GHITM: variants seen among roughly 807,000 people sequenced by gnomAD.
The protein encoded by GHITM is growth hormone inducible transmembrane protein.
GHITM carries 24 observed loss-of-function variants against 38.7 expected under a neutral mutation model. That is an observed-to-expected ratio of 0.62 (90% CI 0.45 to 0.87). The LOEUF (loss-of-function observed/expected upper bound fraction) is 0.87, where lower values mean the gene tolerates loss of function less well. GHITM is among the 40% of genes least tolerant of loss of function. The pLI, the probability that GHITM is intolerant of heterozygous loss-of-function variation, is 0.00. For synonymous variants in GHITM, 154 were observed against 147.8 expected, an observed-to-expected ratio of 1.04 and a Z score of -0.30; for missense variants, 420 against 429.8, an observed-to-expected ratio of 0.98 and a Z score of 0.20.
In GHITM at chr10:84,139,591, G is replaced by T. The variant is rs1136944; in HGVS notation, c.-42G>T. Reference sequence around the variant, plus strand: ...TGCGAGGCGAAGGTGACCGGGGACCGAGGTACTGCTCCGGCTGGCCGGCGG... The same window carrying T: ...TGCGAGGCGAAGGTGACCGGGGACCTAGGTACTGCTCCGGCTGGCCGGCGG... On this transcript the variant is annotated splice_region_variant and 5_prime_UTR_variant, in exon 1 of 9. Coordinates refer to ENST00000372134, the MANE Select transcript of GHITM (RefSeq NM_014394.3). The T allele has an allele frequency of 0.12, 18,561 of 152,376 alleles. 2,446 individuals are homozygous for T. The highest frequency in any genetic ancestry group is 0.33 in the African/African-American group (13,737 of 41,534). 9.4% of individuals were successfully genotyped at this position (152,376 alleles called of 1,614,324 possible).
At position 84,144,931 on chromosome 10, in the gene GHITM, G is replaced by T; in HGVS notation, c.398G>T (p.Gly133Val). Residue 133 changes from glycine (G) to valine (V), a missense_variant, in exon 5 of 9, where the codon GGG becomes GTG. Transcript: ENST00000372134. ...RIHSTYMYLAGSIGLTALSAI... is the reference protein window; with the variant it reads ...RIHSTYMYLAVSIGLTALSAI... ...CATTCCACCTATATGTACTTAGCAG[G>T]GAGTATTGGTTTAACAGCTTTGTCT... The T allele has an allele frequency of 5.6e-6, 9 of 1,610,114 alleles. No individual in the cohort carries two copies. The highest frequency in any genetic ancestry group is 7.6e-6 in the Non-Finnish European group (9 of 1,176,820).
chr10:84,151,302 A>G (rs1211842605), intron 8 of GHITM, among the ~76,000 whole-genome samples: 1 of 152,114 alleles, frequency 6.6e-6, no homozygotes, highest in East Asian at 1.9e-4. Context: ...GCTTTGTCAG[A>G]TTTCCTGTTT....
intron 5 of GHITM, among the ~76,000 whole-genome samples, chr10:84,147,713 C>G (rs922530885): frequency 1.3e-5 from 2 of 151,826 alleles, no homozygotes; most frequent in African/African-American, 4.8e-5. Context: ...ATTTAAATTT[C>G]TTGGAGATTA....
In GHITM at chr10:84,144,991, A is replaced by C. The variant is rs189428106; in HGVS notation, c.458A>C (p.Asn153Thr). 46 of 1,611,118 alleles carry C rather than the reference A, an allele frequency of 2.9e-5. No individual in the cohort carries two copies. The Admixed American group carries it at 4.2e-4, about 15-fold the overall frequency. ...IAISRTPVLM[N>T]FMMRGSWVTI... is the part of the protein sequence containing the mutation. ...ATCAGCAGAACGCCTGTTCTCATGAACTTCATGATGAGAGGCTCTTGGGTG... is the reference window on the plus strand; with the variant it reads ...ATCAGCAGAACGCCTGTTCTCATGACCTTCATGATGAGAGGCTCTTGGGTG... Residue 153 changes from asparagine to threonine, a missense_variant, in exon 5 of 9, where the codon AAC becomes ACC. By Grantham distance (65) the Asn-to-Thr change is moderately conservative (BLOSUM62 0). Transcript: ENST00000372134.
At position 84,150,178 on chromosome 10, in the gene GHITM, A is replaced by G; in HGVS notation, c.716A>G (p.Glu239Gly). ...LSTVAMCAPS[E>G]KFLNMGAPLG... is the part of the protein sequence containing the mutation. Reference sequence around the variant, plus strand: ...ACTGTGGCCATGTGTGCGCCCAGTGAAAAGTTTCTGAACATGGGTGCACCC... The same window carrying G: ...ACTGTGGCCATGTGTGCGCCCAGTGGAAAGTTTCTGAACATGGGTGCACCC... Residue 239 changes from glutamate (E) to glycine (G), a missense_variant, in exon 7 of 9, where the codon GAA becomes GGA. By Grantham distance (98) the Glu-to-Gly change is moderately conservative. Transcript: ENST00000372134. The G allele has an allele frequency of 6.2e-7, 1 of 1,613,942 alleles. No individual in the cohort carries two copies. Among genetic ancestry groups the G allele is most frequent in the South Asian group, 1.1e-5 (1 of 91,072 alleles).
Position 84,150,244 on chromosome 10 carries a change from G to A in GHITM, c.781+1G>A, listed in dbSNP as rs546099863. 1.9e-6 allele frequency: 3 copies of A among 1,597,394 alleles called. No homozygotes were observed. Among genetic ancestry groups the A allele is most frequent in the Admixed American group, 1.7e-5 (1 of 58,670 alleles). On this transcript the variant is annotated splice_donor_variant, in intron 7 of 8. Transcript: ENST00000372134. LOFTEE classifies it high-confidence loss of function. Reference sequence around the variant, plus strand: ...GGTCTCGTCTTTGTGTCCTCATTGGGTAAGCTGCTGTGTTTTAACACTTAA... The same window carrying A: ...GGTCTCGTCTTTGTGTCCTCATTGGATAAGCTGCTGTGTTTTAACACTTAA...
At chr10:84,151,656 A>G (rs1287424718) in intron 8 of GHITM, among the ~76,000 whole-genome samples, 1 of 152,232 alleles carries the variant, frequency 6.6e-6, no homozygotes, top group Non-Finnish European at 1.5e-5. Context: ...TTTCAGAGAT[A>G]TGCAACTTTA....
In GHITM at chr10:84,153,193, A is replaced by C. The variant is rs1288090060; in HGVS notation, c.*845A>C. The C allele has an allele frequency of 3.9e-5, 6 of 152,056 alleles. No homozygotes were observed. Among genetic ancestry groups the C allele is most frequent in the African/African-American group, 1.4e-4 (6 of 41,412 alleles). 9.4% of individuals were successfully genotyped at this position (152,056 alleles called of 1,614,324 possible). A position where few individuals can be genotyped will look rare whatever the true frequency, so the allele number is the denominator to read the frequency against. On this transcript the variant is annotated 3_prime_UTR_variant, in exon 9 of 9. Transcript: ENST00000372134. ...ACTCATGATTGCTAAGTGTTTTTTTATTTTTGCATATTTATTGAACTGTCT... is the reference window on the plus strand; with the variant it reads ...ACTCATGATTGCTAAGTGTTTTTTTCTTTTTGCATATTTATTGAACTGTCT...
At chr10:84,144,369 T>TTTGTTTGTTTG (rs368020553) in intron 4 of GHITM, among the ~76,000 whole-genome samples, 1 of 151,974 alleles carries the variant, frequency 6.6e-6, no homozygotes, top group East Asian at 1.9e-4. Flanking sequence ...TTGTTTGTTT[T>TTTGTTTGTTTG]TTTGGAGAGA....
rs768734087 is a variant in GHITM, at chr10:84,148,850, T to C, written c.592+12T>C. ...GTTGCTACATTCTGGTATGTTCTGT[T>C]TTAAATTGTTACGAGACAACCTTGA... On this transcript the variant is annotated intron_variant, in intron 6 of 8. Transcript: ENST00000372134. 2 of 1,523,584 alleles carry C rather than the reference T, an allele frequency of 1.3e-6. No homozygotes were observed. Among genetic ancestry groups the C allele is most frequent in the South Asian group, 1.1e-5 (1 of 89,196 alleles). The allele number at this position is 1,523,584 out of a possible 1,614,324, so 94.4% of individuals were successfully genotyped here. A position where few individuals can be genotyped will look rare whatever the true frequency, so the allele number is the denominator to read the frequency against.
chr10:84,149,261 GA>G (rs1841587136), intron 6 of GHITM, among the ~76,000 whole-genome samples: 1 of 152,184 alleles, frequency 6.6e-6, no homozygotes, highest in Admixed American at 6.5e-5. Flanking sequence ...GTTCTGTGTA[GA>G]AATTTCACCC....
At chr10:84,142,300 A>T (rs1047490241) in intron 2 of GHITM, among the ~76,000 whole-genome samples, 2 of 152,346 alleles carry the variant, frequency 1.3e-5, no homozygotes, top group African/African-American at 4.8e-5. Context: ...TGCATATCTT[A>T]AAAATGCTAA....
intron 2 of GHITM, among the ~76,000 whole-genome samples, chr10:84,141,913 A>C (rs529667979): frequency 1.0e-4 from 15 of 149,908 alleles, no homozygotes; most frequent in Middle Eastern, 6.8e-3. Context: ...TACATAGTGT[A>C]ACGGAGATCC....
At position 84,141,990 on chromosome 10, in the gene GHITM, A is replaced by T. The variant is rs569955914; in HGVS notation, c.129+361A>T. 2.6e-5 allele frequency among the ~76,000 whole-genome samples: 4 copies of T among 152,344 alleles called. 1 individual carries two copies. The South Asian group carries it at 8.3e-4, about 32-fold the overall frequency. Reference sequence around the variant, plus strand: ...CAGTTGGCCAATAGCTTATTAATAAATTACTAAATATATTATCTCTTATTT... The same window carrying T: ...CAGTTGGCCAATAGCTTATTAATAATTTACTAAATATATTATCTCTTATTT... On this transcript the variant is annotated intron_variant, in intron 2 of 8. Coordinates refer to ENST00000372134, the MANE Select transcript of GHITM (RefSeq NM_014394.3).
chr10:84,142,605 C>T (rs377263829), intron 2 of GHITM, 50 bp from the exon 3 acceptor site: 192 of 1,120,860 alleles, frequency 1.7e-4, no homozygotes, highest in Non-Finnish European at 2.4e-4. Flanking sequence ...ATTTTATTAA[C>T]GTTCTGTTTT....
At chr10:84,152,075 A>T (rs1001110167) in intron 8 of GHITM, among the ~76,000 whole-genome samples, 189 bp from the exon 9 acceptor site, 1 of 152,234 alleles carries the variant, frequency 6.6e-6, no homozygotes, top group Non-Finnish European at 1.5e-5. Flanking sequence ...TTAAAAGATG[A>T]GTCTGCCAAA....
chr10:84,142,518 C>T (rs1217475640), intron 2 of GHITM, 137 bp from the exon 3 acceptor site: 11 of 422,188 alleles, frequency 2.6e-5, no homozygotes, highest in South Asian at 2.3e-4. Context: ...AATAAATTTC[C>T]ATAGTGAAGT....
intron 5 of GHITM, among the ~76,000 whole-genome samples, chr10:84,145,801 T>A (rs1469389903): frequency 5.3e-5 from 8 of 152,190 alleles, no homozygotes; most frequent in African/African-American, 1.9e-4. Flanking sequence ...AAGTGCAAAG[T>A]CAGTTGAGAG....
chr10:84,150,217 T>C lies in GHITM; in HGVS notation c.755T>C (p.Leu252Pro), dbSNP rs1841597734. 6.2e-7 allele frequency: 1 copy of C among 1,610,738 alleles called. No homozygotes were observed. Among genetic ancestry groups the C allele is most frequent in the East Asian group, 2.2e-5 (1 of 44,820 alleles). Residue 252 changes from leucine to proline, a missense_variant, in exon 7 of 9, where the codon CTG becomes CCG. Transcript: ENST00000372134. ...LNMGAPLGVG[L>P]GLVFVSSLGS... is the part of the protein sequence containing the mutation. ...ATGGGTGCACCCCTGGGAGTGGGCC[T>C]GGGTCTCGTCTTTGTGTCCTCATTG...
Sources: gnomAD v4.1 joint callset for allele counts (sites outside exome capture counted in the v4.1 genomes callset) on GRCh38, gnomAD v4.1.1 for gene constraint, MANE v1.5 for transcripts, NCBI Gene and HGNC (gene_info 2026-07-23, HGNC 2026-07-21) for gene names.